The following ADGRG5 variants were observed in gnomAD, a reference collection of about 807,000 sequenced individuals.
ADGRG5 encodes adhesion G protein-coupled receptor G5.
Under a neutral mutation model 53.2 loss-of-function variants are expected in ADGRG5, and 37 were observed. The observed-to-expected ratio is 0.70, with a 90% CI of 0.53 to 0.91. The LOEUF is 0.91. Among genes scored for constraint, ADGRG5 ranks in the 40% least tolerant of loss-of-function variants. The probability of loss-of-function intolerance (pLI) is 0.00; values close to 1 mark genes in which losing one functional copy is unlikely to be tolerated. For missense variants in ADGRG5, 614 were observed against 675.8 expected (o/e 0.91, Z 1.01); for synonymous variants, 277 against 290.4 (o/e 0.95, Z 0.47).
chr16:57,552,843 G>A (rs1223316792), intron 1 of ADGRG5, among the ~76,000 whole-genome samples: 3 of 152,146 alleles, frequency 2.0e-5, no homozygotes, highest in Non-Finnish European at 4.4e-5. Context: ...GATTTAAAAT[G>A]AGAGATGTGT....
At chr16:57,530,789 G>A in the ADGRG5 span, among the ~76,000 whole-genome samples, 5 of 151,622 alleles carry the variant, frequency 3.3e-5, no homozygotes, top group Non-Finnish European at 7.4e-5. Flanking sequence ...CCCTCCCCTG[G>A]CACCTCCCTT....
intron 1 of ADGRG5, among the ~76,000 whole-genome samples, chr16:57,552,659 C>G (rs564097512): frequency 6.6e-6 from 1 of 152,206 alleles, no homozygotes; most frequent in South Asian, 2.1e-4. Flanking sequence ...TTCTCCATAT[C>G]AGCAATAAGG....
In ADGRG5 at chr16:57,574,660, C is replaced by G. The variant is rs2033460892; in HGVS notation, c.1209-155C>G. On this transcript the variant is annotated intron_variant, in intron 10 of 11. Transcript: ENST00000349457. This position sits in a 1 kb window ranked among gnomAD's most constrained non-coding sequence, Gnocchi z 4.4. ...GATGTGTCCTCTGATGGTGGCCTGG[C>G]TGGAAAGCCGGGTGAGGGGTTTCAC... 6.6e-6 allele frequency among the ~76,000 whole-genome samples: 1 copy of G among 152,198 alleles called. No homozygotes were observed. Among genetic ancestry groups the G allele is most frequent in the Non-Finnish European group, 1.5e-5 (1 of 68,036 alleles).
the ADGRG5 span, among the ~76,000 whole-genome samples, chr16:57,535,813 C>CT: frequency 2.6e-5 from 4 of 152,184 alleles, no homozygotes; most frequent in Non-Finnish European, 5.9e-5. Context: ...CCTGAACGCT[C>CT]TAACAGGTGG....
chr16:57,554,940 G>A (rs1876920036), intron 1 of ADGRG5, among the ~76,000 whole-genome samples: 1 of 151,980 alleles, frequency 6.6e-6, no homozygotes, highest in South Asian at 2.1e-4. Context: ...TTACTTAATA[G>A]TGTATTATTT....
the ADGRG5 span, chr16:57,536,510 G>A: frequency 6.6e-6 from 1 of 152,330 alleles, no homozygotes; most frequent in South Asian, 2.1e-4. Flanking sequence ...CTCGGGCCGG[G>A]ACTTGCGGGC....
chr16:57,573,576 A>T (rs2033425494), intron 10 of ADGRG5, among the ~76,000 whole-genome samples: 1 of 152,176 alleles, frequency 6.6e-6, no homozygotes, highest in South Asian at 2.1e-4. Flanking sequence ...GTGGAGATTT[A>T]AATATGCTCT....
intron 1 of ADGRG5, among the ~76,000 whole-genome samples, chr16:57,557,721 A>C (rs1277249017): frequency 2.6e-5 from 4 of 152,184 alleles, no homozygotes; most frequent in Non-Finnish European, 5.9e-5. Context: ...ATCAAGTTCA[A>C]GGATTGTTTA....
the ADGRG5 span, among the ~76,000 whole-genome samples, chr16:57,530,828 C>T: frequency 1.8e-4 from 27 of 152,024 alleles, no homozygotes; most frequent in African/African-American, 5.5e-4. Flanking sequence ...GGTCCACACT[C>T]GCCGTCTCCA....
intron 10 of ADGRG5, among the ~76,000 whole-genome samples, chr16:57,572,303 G>C (rs141368857): frequency 6.6e-6 from 1 of 151,860 alleles, no homozygotes; most frequent in Non-Finnish European, 1.5e-5. Context: ...GTGAAACCCC[G>C]TCTCTATTAA....
chr16:57,531,142 T>C, the ADGRG5 span, among the ~76,000 whole-genome samples: 1 of 152,018 alleles, frequency 6.6e-6, no homozygotes, highest in Admixed American at 6.6e-5. Context: ...CAGCCCAGGT[T>C]GCCCTCAGAG....
Position 57,572,303 on chromosome 16 carries a change from G to A in ADGRG5, c.1208+1768G>A, listed in dbSNP as rs141368857. On this transcript the variant is annotated intron_variant, in intron 10 of 11. Coordinates refer to ENST00000349457, the MANE Select transcript of ADGRG5 (RefSeq NM_001304376.3). The stretch of plus-strand genomic sequence containing the variant: ...ATCCTGGCTAACACAGTGAAACCCC[G>A]TCTCTATTAAAAATACAAAAAATTA... Among the ~76,000 whole-genome samples the A allele has an allele frequency of 4.3e-3, 649 of 151,976 alleles. 14 individuals are homozygous for A. Among genetic ancestry groups the A allele is most frequent in the Admixed American group, 0.034 (526 of 15,260 alleles).
At position 57,575,043 on chromosome 16, in the gene ADGRG5, C is replaced by T. The variant is rs7196203; in HGVS notation, c.1437C>T (p.Val479=). 0.014 allele frequency: 21,851 copies of T among 1,613,942 alleles called. 2,103 individuals are homozygous for T. In the African/African-American group the frequency reaches 0.23, roughly 17 times the overall value. The stretch of plus-strand genomic sequence containing the variant: ...CCTTGGCCTTCTTTTCTTTTGGCGT[C>T]TTCCTGCTGCCCCAGCTGTTCCTCT... ...TWALAFFSFG[V]FLLPQLFLFT... The change falls in exon 11 of 12, where the codon GTC becomes GTT. Residue 479 remains valine (V), a synonymous_variant. Transcript: ENST00000349457.
intron 10 of ADGRG5, among the ~76,000 whole-genome samples, chr16:57,571,740 C>T (rs1045779544): frequency 3.3e-5 from 5 of 150,350 alleles, no homozygotes; most frequent in African/African-American, 9.8e-5. Flanking sequence ...ACTGCAACCT[C>T]TGCCTCCTGG....
intron 9 of ADGRG5, among the ~76,000 whole-genome samples, chr16:57,569,261 CCACCTCCAT>C (rs1444707769): frequency 1.3e-5 from 2 of 150,442 alleles, no homozygotes; most frequent in African/African-American, 4.9e-5. Context: ...ACCACCTCCT[CCACCTCCAT>C]CACCTCCATC....
At chr16:57,549,503 T>C (rs1387303786) in intron 1 of ADGRG5, among the ~76,000 whole-genome samples, 1 of 152,224 alleles carries the variant, frequency 6.6e-6, no homozygotes, top group African/African-American at 2.4e-5. Context: ...TTGCCCTCCC[T>C]CCCCTATTTC....
At chr16:57,570,765 C>T (rs1341137167) in intron 10 of ADGRG5, among the ~76,000 whole-genome samples, 3 of 152,204 alleles carry the variant, frequency 2.0e-5, no homozygotes, top group Admixed American at 6.5e-5. Context: ...ACGAAGCCAG[C>T]GTCTGCTCGC....
At chr16:57,570,364 G>A (rs2033315003) in intron 9 of ADGRG5, 54 bp from the exon 10 acceptor site, 1 of 1,200,716 alleles carries the variant, frequency 8.3e-7, no homozygotes, top group Non-Finnish European at 1.2e-6. Context: ...ACCGCCCCAG[G>A]GACCGAGGGT....
In ADGRG5 at chr16:57,568,031, G is replaced by C; in HGVS notation, c.997G>C (p.Ala333Pro). Reference sequence around the variant, plus strand: ...GCTGCTCAGCTGCCTCACCTGGATGGCCATCGAGGGCTTCAACCTCTACCT... The same window carrying C: ...GCTGCTCAGCTGCCTCACCTGGATGCCCATCGAGGGCTTCAACCTCTACCT... ...YALLSCLTWMAIEGFNLYLLL... is the reference protein window; with the variant it reads ...YALLSCLTWMPIEGFNLYLLL... The change falls in exon 9 of 12, where the codon GCC (alanine) becomes CCC (proline). Residue 333 changes from alanine to proline, a missense_variant. Ala to Pro is a conservative substitution (Grantham distance 27). Transcript: ENST00000349457. 1 of 1,614,000 alleles carries C rather than the reference G, an allele frequency of 6.2e-7. No homozygotes were observed. Among genetic ancestry groups the C allele is most frequent in the Non-Finnish European group, 8.5e-7 (1 of 1,179,952 alleles).
Sources: allele counts gnomAD v4.1 joint callset (sites outside exome capture counted in the v4.1 genomes callset), GRCh38; gene constraint gnomAD v4.1.1; non-coding constraint Gnocchi (gnomAD v3.1); transcripts MANE v1.5; gene names NCBI Gene and HGNC (gene_info 2026-07-23, HGNC 2026-07-21).